The following RIMKLB variants were observed in gnomAD, a reference collection of about 807,000 sequenced individuals.
RIMKLB encodes ribosomal modification protein rimK like family member B.
Under a neutral mutation model 32.0 loss-of-function variants are expected in RIMKLB, and 7 were observed. The observed-to-expected ratio is 0.22, with a 90% CI of 0.12 to 0.41. The LOEUF is 0.41. Among genes scored for constraint, RIMKLB ranks in the 10% least tolerant of loss-of-function variants. The pLI is 1.00. For missense variants in RIMKLB, 289 were observed against 498.7 expected, an observed-to-expected ratio of 0.58 and a Z score of 4.00; for synonymous variants, 172 against 185.1, an observed-to-expected ratio of 0.93 and a Z score of 0.57.
At chr12:8,741,187 CAG>C (rs1048425327) in intron 2 of RIMKLB, among the ~76,000 whole-genome samples, 1 of 151,686 alleles carries the variant, frequency 6.6e-6, no homozygotes, top group Non-Finnish European at 1.5e-5. Context: ...GCCTGGGCGA[CAG>C]AGGGAGACTC....
intron 5 of RIMKLB, among the ~76,000 whole-genome samples, chr12:8,760,004 G>C (rs1015553314): frequency 4.1e-4 from 62 of 152,144 alleles, no homozygotes; most frequent in African/African-American, 1.4e-3. Flanking sequence ...GTGCAGGTTT[G>C]TTACATATGC....
At chr12:8,697,055 T>G (rs749773220), upstream of RIMKLB, 10 of 152,194 alleles carry the variant, frequency 6.6e-5, no homozygotes, top group Non-Finnish European at 2.9e-5. Flanking sequence ...TTATACATAG[T>G]TTTAGAATTT....
chr12:8,692,209 A>T, upstream of RIMKLB, among the ~76,000 whole-genome samples: 1 of 152,222 alleles, frequency 6.6e-6, no homozygotes, highest in East Asian at 1.9e-4. Context: ...TTTTCTCTTC[A>T]GTCAGAGAGG....
chr12:8,774,868 G>C lies in RIMKLB; in HGVS notation c.*1084G>C, dbSNP rs1257219623. 12 of 985,456 alleles carry C rather than the reference G, an allele frequency of 1.2e-5. No homozygotes were observed. The highest frequency in any genetic ancestry group is 1.4e-5 in the Non-Finnish European group (12 of 829,856). The allele number at this position is 985,456 out of a possible 1,614,324, so 61.0% of individuals were successfully genotyped here. A position where few individuals can be genotyped will look rare whatever the true frequency, so the allele number is the denominator to read the frequency against. ...TTTGCATTTTTCACATTTTACGAGG[G>C]AGTATATGTGTATGTGTGTGCACGC... On this transcript the variant is annotated 3_prime_UTR_variant, in exon 6 of 6. Transcript: ENST00000535829.
At chr12:8,725,913 T>C (rs1565581666) in intron 2 of RIMKLB, among the ~76,000 whole-genome samples, 1 of 152,210 alleles carries the variant, frequency 6.6e-6, no homozygotes, top group Non-Finnish European at 1.5e-5. Context: ...AGTGGTGCGA[T>C]CTTGGTTCAC....
At chr12:8,669,951 C>T in the RIMKLB span, among the ~76,000 whole-genome samples, 9 of 142,652 alleles carry the variant, frequency 6.3e-5, no homozygotes, top group South Asian at 4.6e-4. Context: ...GGTGCGAACC[C>T]GGGAGGTGGA....
intron 1 of RIMKLB, among the ~76,000 whole-genome samples, chr12:8,699,551 T>C (rs1370071932): frequency 1.3e-5 from 2 of 152,194 alleles, no homozygotes; most frequent in East Asian, 1.9e-4. Flanking sequence ...AAAATAATCA[T>C]AGTTAAATTT....
chr12:8,703,414 A>G (rs1002624266), intron 1 of RIMKLB, among the ~76,000 whole-genome samples: 3 of 152,120 alleles, frequency 2.0e-5, no homozygotes, highest in Non-Finnish European at 4.4e-5. Context: ...TGTAGCCTTG[A>G]ACTTCTAGGC....
At chr12:8,755,268 ATTT>A (rs747735639) in intron 5 of RIMKLB, among the ~76,000 whole-genome samples, 4,946 of 142,882 alleles carry the variant, frequency 0.035, 271 homozygotes, top group African/African-American at 0.12. Context: ...AATTTTTTAC[ATTT>A]TTTTTTTTTT....
At position 8,750,107 on chromosome 12, in the gene RIMKLB, G is replaced by C; in HGVS notation, c.406+15G>C. ...TTTCTCTTATGGTGAGCCTACTAAAGAGCATACATAGCCTGAATATTAACC... is the reference window on the plus strand; with the variant it reads ...TTTCTCTTATGGTGAGCCTACTAAACAGCATACATAGCCTGAATATTAACC... On this transcript the variant is annotated intron_variant, in intron 3 of 5. Transcript: ENST00000535829. The C allele has an allele frequency of 6.7e-7, 1 of 1,501,464 alleles. No individual in the cohort carries two copies. The highest frequency in any genetic ancestry group is 1.1e-5 in the South Asian group (1 of 88,602). The allele number at this position is 1,501,464 out of a possible 1,614,324, so 93.0% of individuals were successfully genotyped here. A position where few individuals can be genotyped will look rare whatever the true frequency, so the allele number is the denominator to read the frequency against.
At chr12:8,711,411 T>A (rs780422090) in intron 1 of RIMKLB, among the ~76,000 whole-genome samples, 5 of 151,560 alleles carry the variant, frequency 3.3e-5, no homozygotes, top group Non-Finnish European at 5.9e-5. Context: ...AAAAAAAAAA[T>A]CATCTGCAAA....
At chr12:8,767,355 A>G (rs28812300) in intron 5 of RIMKLB, among the ~76,000 whole-genome samples, 5,009 of 152,244 alleles carry the variant, frequency 0.033, 279 homozygotes, top group African/African-American at 0.11. Flanking sequence ...AAATTGGGAG[A>G]GACACCAGGG....
At chr12:8,678,423 C>T (rs745888311), upstream of RIMKLB, among the ~76,000 whole-genome samples, 7 of 152,022 alleles carry the variant, frequency 4.6e-5, no homozygotes, top group South Asian at 6.2e-4. Flanking sequence ...CTCCGCCTCC[C>T]GGGTTCAAGC....
chr12:8,711,490 GACA>G (rs903632572), intron 1 of RIMKLB, among the ~76,000 whole-genome samples: 4 of 152,016 alleles, frequency 2.6e-5, no homozygotes, highest in Non-Finnish European at 5.9e-5. Context: ...GGAAGTCAGT[GACA>G]GAGTCTTTTA....
chr12:8,721,138 C>A (rs184805415), intron 2 of RIMKLB, among the ~76,000 whole-genome samples: 1 of 152,164 alleles, frequency 6.6e-6, no homozygotes, highest in Non-Finnish European at 1.5e-5. Flanking sequence ...CTTGGAGATA[C>A]TGCAGATTTG....
intron 5 of RIMKLB, among the ~76,000 whole-genome samples, chr12:8,764,933 C>T (rs1053608323): frequency 2.7e-5 from 4 of 150,454 alleles, no homozygotes; most frequent in African/African-American, 9.8e-5. Flanking sequence ...ATGACTAAAG[C>T]AGTGGCCTTT....
At chr12:8,719,795 A>G (rs760702079) in intron 2 of RIMKLB, among the ~76,000 whole-genome samples, 2 of 152,240 alleles carry the variant, frequency 1.3e-5, no homozygotes, top group Non-Finnish European at 2.9e-5. Flanking sequence ...AAAACCAAGT[A>G]AAAATACAAA....
At chr12:8,672,239 A>G in the RIMKLB span, among the ~76,000 whole-genome samples, 2 of 152,182 alleles carry the variant, frequency 1.3e-5, no homozygotes, top group South Asian at 4.1e-4. Flanking sequence ...AAACTTTCCC[A>G]CATTTTTCTA....
chr12:8,675,807 T>G, the RIMKLB span, among the ~76,000 whole-genome samples: 1 of 151,912 alleles, frequency 6.6e-6, no homozygotes, highest in Non-Finnish European at 1.5e-5. Flanking sequence ...TTTTTTTTTT[T>G]TTTAACGGAA....
Sources: gnomAD v4.1 joint callset for allele counts (sites outside exome capture counted in the v4.1 genomes callset) on GRCh38, gnomAD v4.1.1 for gene constraint, MANE v1.5 for transcripts, NCBI Gene and HGNC (gene_info 2026-07-23, HGNC 2026-07-21) for gene names.